The following ZC3H12B variants were observed in gnomAD, a reference collection of about 807,000 sequenced individuals.
The protein encoded by ZC3H12B is zinc finger CCCH-type containing 12B.
Under a neutral mutation model 43.9 loss-of-function variants are expected in ZC3H12B, and 7 were observed. The ratio of observed to expected loss-of-function variants is 0.16; its 90% confidence interval spans 0.09 to 0.30. The LOEUF (loss-of-function observed/expected upper bound fraction) is 0.30. ZC3H12B is among the 10% of genes least tolerant of loss of function. The pLI, the probability that ZC3H12B is intolerant of heterozygous loss-of-function variation, is 1.00. For missense variants in ZC3H12B, 475 were observed against 670.2 expected, an observed-to-expected ratio of 0.71 and a Z score of 3.22; for synonymous variants, 222 against 241.7, an observed-to-expected ratio of 0.92 and a Z score of 0.76.
intron 3 of ZC3H12B, among the ~76,000 whole-genome samples, chrX:65,473,033 G>C (rs2067947958): frequency 1.1e-5 from 1 of 93,652 alleles, no homozygotes; most frequent in Non-Finnish European, 2.1e-5. Context: ...TGTTTTTTGA[G>C]ACAGAGTTTT....
At chrX:65,222,000 C>T in the ZC3H12B span, among the ~76,000 whole-genome samples, 11 of 111,347 alleles carry the variant, frequency 9.9e-5, no homozygotes, top group Non-Finnish European at 1.9e-4. Context: ...GATAATCCAC[C>T]ATGATCAAGT....
chrX:65,216,787 G>C, the ZC3H12B span, among the ~76,000 whole-genome samples: 1 of 111,745 alleles, frequency 8.9e-6, no homozygotes, highest in Admixed American at 9.5e-5. Context: ...AATATCAGAG[G>C]GATTCCTTAA....
chrX:65,171,259 C>G, the ZC3H12B span, among the ~76,000 whole-genome samples: 3 of 111,625 alleles, frequency 2.7e-5, no homozygotes, highest in East Asian at 8.5e-4. Flanking sequence ...TTCCTTCTAA[C>G]AGTCAGGACC....
At chrX:65,357,073 G>A in the ZC3H12B span, 2 of 571,723 alleles carry the variant, frequency 3.5e-6, no homozygotes, top group African/African-American at 2.2e-5. Context: ...ATCAAAGAGA[G>A]GGCCAGTCAC....
chrX:65,242,786 G>A, the ZC3H12B span, among the ~76,000 whole-genome samples: 2 of 111,990 alleles, frequency 1.8e-5, no homozygotes, highest in Non-Finnish European at 3.8e-5. Context: ...CATACACATA[G>A]ACTAATGGAA....
At chrX:65,471,076 T>C (rs771051503) in intron 3 of ZC3H12B, among the ~76,000 whole-genome samples, 19 of 111,673 alleles carry the variant, frequency 1.7e-4, no homozygotes, top group African/African-American at 5.9e-4. Flanking sequence ...AAGTCCAGTG[T>C]TTTTTTATTT....
the ZC3H12B span, among the ~76,000 whole-genome samples, chrX:65,321,461 G>A: frequency 4.5e-5 from 5 of 111,707 alleles, no homozygotes; most frequent in African/African-American, 1.3e-4. Context: ...GTGAGTGTAC[G>A]TGAGTTCAGC....
chrX:65,265,903 T>C, the ZC3H12B span, among the ~76,000 whole-genome samples: 1 of 111,331 alleles, frequency 9.0e-6, no homozygotes, highest in Non-Finnish European at 1.9e-5. Flanking sequence ...GGGAAACAAA[T>C]AAGGTGAGCC....
At chrX:65,211,765 T>C in the ZC3H12B span, among the ~76,000 whole-genome samples, 103 of 83,208 alleles carry the variant, frequency 1.2e-3, no homozygotes, top group African/African-American at 4.0e-3. Flanking sequence ...TTATATATAA[T>C]GTATGTTATA....
the ZC3H12B span, among the ~76,000 whole-genome samples, chrX:65,251,842 T>C: frequency 1.5e-3 from 170 of 111,352 alleles, 1 homozygote; most frequent in African/African-American, 4.7e-3. Context: ...TGGGCTGAGA[T>C]GATGGGGTTT....
At chrX:65,491,630 T>G (rs992013623) in intron 1 of ZC3H12B, among the ~76,000 whole-genome samples, 1 of 106,759 alleles carries the variant, frequency 9.4e-6, no homozygotes, top group Non-Finnish European at 1.9e-5. Context: ...TCTCTTGAGC[T>G]CGGGAGGTCA....
chrX:65,112,915 G>C, the ZC3H12B span, among the ~76,000 whole-genome samples: 2 of 112,000 alleles, frequency 1.8e-5, no homozygotes, highest in Non-Finnish European at 3.8e-5. Flanking sequence ...GGCTCTAGCT[G>C]CCAGAGATAA....
chrX:65,086,622 C>T, the ZC3H12B span, among the ~76,000 whole-genome samples: 1 of 111,632 alleles, frequency 9.0e-6, no homozygotes, highest in Non-Finnish European at 1.9e-5. Context: ...ATAAAAGATC[C>T]GAGATAACTT....
At chrX:65,327,135 A>C in the ZC3H12B span, among the ~76,000 whole-genome samples, 1 of 111,355 alleles carries the variant, frequency 9.0e-6, no homozygotes, top group African/African-American at 3.3e-5. Flanking sequence ...ATTTACCCAA[A>C]AGATTTAAAA....
intron 2 of ZC3H12B, among the ~76,000 whole-genome samples, chrX:65,395,499 T>C (rs2148039574): frequency 8.9e-6 from 1 of 112,671 alleles, no homozygotes; most frequent in South Asian, 3.7e-4. Flanking sequence ...GTTTATGTGA[T>C]GGAGTACATT....
At chrX:65,266,865 G>C in the ZC3H12B span, among the ~76,000 whole-genome samples, 1 of 110,699 alleles carries the variant, frequency 9.0e-6, no homozygotes, top group African/African-American at 3.3e-5. Context: ...TACAAATATT[G>C]GTCACAGCAC....
chrX:65,503,151 C>T (rs1186551584), exon 5 of ZC3H12B: 7 of 1,211,168 alleles, frequency 5.8e-6, no homozygotes, highest in Non-Finnish European at 5.6e-6. Context: ...AATCCCCACA[C>T]AGCAGATGCC....
the ZC3H12B span, among the ~76,000 whole-genome samples, chrX:65,084,342 T>A: frequency 1.8e-5 from 2 of 111,592 alleles, no homozygotes; most frequent in Non-Finnish European, 1.9e-5. Flanking sequence ...GGAGAAAATA[T>A]TTTCAATGTA....
chrX:65,413,550 C>T (rs181721590), intron 3 of ZC3H12B, among the ~76,000 whole-genome samples: 1 of 111,808 alleles, frequency 8.9e-6, no homozygotes, highest in Non-Finnish European at 1.9e-5. Context: ...TTTTTCTCTT[C>T]GAATAGTCTT....
Sources: allele counts gnomAD v4.1 joint callset (sites outside exome capture counted in the v4.1 genomes callset), GRCh38; gene constraint gnomAD v4.1.1; transcripts MANE v1.5; gene names NCBI Gene and HGNC (gene_info 2026-07-23, HGNC 2026-07-21).